The following PCDH15 variants were observed in gnomAD, a reference collection of about 807,000 sequenced individuals.
PCDH15 encodes the protein protocadherin related 15.
Under a neutral mutation model 178.5 loss-of-function variants are expected in PCDH15, and 129 were observed. That is an observed-to-expected ratio of 0.72 (90% CI 0.63 to 0.84). PCDH15 has a LOEUF of 0.84. PCDH15 is among the 40% of genes least tolerant of loss of function. The pLI is 0.00. For synonymous variants in PCDH15, 800 were observed against 732.0 expected (o/e 1.09, Z -1.50); for missense variants, 2,230 against 2,099.9 (o/e 1.06, Z -1.21).
intron 2 of PCDH15, among the ~76,000 whole-genome samples, chr10:55,080,615 G>A (rs1468943608): frequency 6.6e-6 from 1 of 152,120 alleles, no homozygotes; most frequent in East Asian, 1.9e-4. Flanking sequence ...TTGGAGTCCA[G>A]GAGGGATCTC....
At chr10:53,957,392 C>T (rs2134245636) in intron 23 of PCDH15, among the ~76,000 whole-genome samples, 2 of 152,204 alleles carry the variant, frequency 1.3e-5, no homozygotes, top group South Asian at 4.1e-4. Context: ...AGAAGTTCTT[C>T]CAAAACAGAA....
chr10:55,155,704 A>G (rs1488353585), intron 2 of PCDH15, among the ~76,000 whole-genome samples: 2 of 152,022 alleles, frequency 1.3e-5, no homozygotes, highest in East Asian at 1.9e-4. Flanking sequence ...TTCCTTAAAG[A>G]GTTTGTCTAC....
chr10:55,001,144 C>G (rs549404743), intron 2 of PCDH15, among the ~76,000 whole-genome samples: 1 of 152,242 alleles, frequency 6.6e-6, no homozygotes, highest in South Asian at 2.1e-4. Context: ...TGGGTCTCCT[C>G]TCTGCTGAGA....
intron 15 of PCDH15, among the ~76,000 whole-genome samples, chr10:54,114,615 C>T (rs927435935): frequency 6.6e-6 from 1 of 152,032 alleles, no homozygotes; most frequent in African/African-American, 2.4e-5. Context: ...TATAGGATTA[C>T]AGCAAAGAGG....
intron 2 of PCDH15, among the ~76,000 whole-genome samples, chr10:55,548,558 C>T (rs1222005362): frequency 6.6e-6 from 1 of 152,124 alleles, no homozygotes; most frequent in Non-Finnish European, 1.5e-5. Flanking sequence ...GGAGATTACT[C>T]AGGAGGCAGT....
chr10:54,470,117 C>A (rs563695199), intron 3 of PCDH15, among the ~76,000 whole-genome samples: 5 of 152,256 alleles, frequency 3.3e-5, no homozygotes, highest in South Asian at 4.1e-4. Context: ...GAGTGATCCC[C>A]AAACCCCCAA....
At chr10:54,689,137 C>T (rs2095068519) in intron 1 of PCDH15, among the ~76,000 whole-genome samples, 1 of 151,948 alleles carries the variant, frequency 6.6e-6, no homozygotes, top group Admixed American at 6.6e-5. Flanking sequence ...TTAGCCACAA[C>T]TACATAAACC....
chr10:54,729,721 AC>A (rs1228307370), intron 1 of PCDH15, among the ~76,000 whole-genome samples: 1 of 151,686 alleles, frequency 6.6e-6, no homozygotes, highest in African/African-American at 2.4e-5. Flanking sequence ...AAAACAAACA[AC>A]CCCATTAGAA....
intron 2 of PCDH15, among the ~76,000 whole-genome samples, chr10:54,934,745 T>C (rs545400366): frequency 3.3e-5 from 5 of 151,790 alleles, no homozygotes; most frequent in Admixed American, 1.3e-4. Context: ...ACCCAAAGGA[T>C]TATAAATCAT....
rs1179245059 is a variant in PCDH15, at chr10:54,522,833, A to G, written c.157+4979T>C. 2.6e-5 allele frequency among the ~76,000 whole-genome samples: 4 copies of G among 152,324 alleles called. No homozygotes were observed. The South Asian group carries it at 8.3e-4, about 32-fold the overall frequency. On this transcript the variant is annotated intron_variant, in intron 3 of 37. Coordinates refer to ENST00000644397, the MANE Select transcript of PCDH15 (RefSeq NM_001384140.1). ...TGTAACAGGGAAGGAGAGAATTGCAAGCAGGTGGTCTTTACTTACATTCTA... is the reference window on the plus strand; with the variant it reads ...TGTAACAGGGAAGGAGAGAATTGCAGGCAGGTGGTCTTTACTTACATTCTA...
At chr10:54,172,310 G>A (rs10825260) in intron 13 of PCDH15, among the ~76,000 whole-genome samples, 37 of 151,006 alleles carry the variant, frequency 2.5e-4, no homozygotes, top group Non-Finnish European at 4.9e-4. Context: ...TGCGACCCCC[G>A]ACTCCTGCCC....
chr10:54,763,162 C>T (rs533054474), intron 1 of PCDH15, among the ~76,000 whole-genome samples: 2 of 152,140 alleles, frequency 1.3e-5, no homozygotes, highest in African/African-American at 4.8e-5. Context: ...AGGAGAGTGC[C>T]AGGTGGTTGG....
intron 11 of PCDH15, among the ~76,000 whole-genome samples, chr10:54,188,527 C>T (rs2048678459): frequency 1.3e-5 from 2 of 151,736 alleles, no homozygotes; most frequent in South Asian, 4.2e-4. Context: ...CCTAAAATAT[C>T]CAGTCAGTAT....
intron 25 of PCDH15, among the ~76,000 whole-genome samples, chr10:53,933,918 T>C (rs2085323508): frequency 1.3e-5 from 2 of 152,224 alleles, no homozygotes; most frequent in South Asian, 2.1e-4. Context: ...ATTTCTCTGA[T>C]GGCCAGTGAT....
chr10:53,982,542 C>A (rs2090742185), intron 21 of PCDH15, among the ~76,000 whole-genome samples: 1 of 151,550 alleles, frequency 6.6e-6, no homozygotes, highest in African/African-American at 2.4e-5. Context: ...AAGCTGGAAA[C>A]CATCATTTTC....
chr10:54,430,926 G>A (rs1166517573), intron 3 of PCDH15, among the ~76,000 whole-genome samples: 1 of 151,994 alleles, frequency 6.6e-6, no homozygotes, highest in Non-Finnish European at 1.5e-5. Context: ...TGAAAAGGGA[G>A]ACATTACAAC....
chr10:54,195,546 T>G, intron 11 of PCDH15, 137 bp downstream of exon 11: 1 of 708,394 alleles, frequency 1.4e-6, no homozygotes, highest in Non-Finnish European at 2.4e-6. Flanking sequence ...TGGAATTAAA[T>G]TATAACACTA....
intron 1 of PCDH15, among the ~76,000 whole-genome samples, chr10:54,790,315 C>T (rs576101897): frequency 1.3e-5 from 2 of 151,612 alleles, no homozygotes; most frequent in African/African-American, 2.4e-5. Context: ...AATCCACACA[C>T]ACATTTTTAC....
At chr10:55,029,960 A>C (rs551562618) in intron 2 of PCDH15, among the ~76,000 whole-genome samples, 1 of 152,310 alleles carries the variant, frequency 6.6e-6, no homozygotes, top group African/African-American at 2.4e-5. Context: ...GGTCCCACCA[A>C]GATTTCAAAG....
Sources: allele counts gnomAD v4.1 joint callset (sites outside exome capture counted in the v4.1 genomes callset), GRCh38; gene constraint gnomAD v4.1.1; transcripts MANE v1.5; gene names NCBI Gene and HGNC (gene_info 2026-07-23, HGNC 2026-07-21).